Variants in ATG9A observed in about 807,000 individuals in gnomAD.
ATG9A encodes the protein autophagy related 9A.
ATG9A carries 21 observed loss-of-function variants against 87.1 expected under a neutral mutation model. The ratio of observed to expected loss-of-function variants is 0.24; its 90% CI spans 0.17 to 0.35. ATG9A has a LOEUF of 0.35. Among genes scored for constraint, ATG9A ranks in the 10% least tolerant of loss-of-function variants. ATG9A has a pLI of 1.00. For synonymous variants in ATG9A, 422 were observed against 441.3 expected, an observed-to-expected ratio of 0.96 and a Z score of 0.55; for missense variants, 836 against 1,107.3, an observed-to-expected ratio of 0.76 and a Z score of 3.48.
At position 219,222,001 on chromosome 2, in the gene ATG9A, G is replaced by T; in HGVS notation, c.2145+49C>A. On this transcript the variant is annotated intron_variant, in intron 13 of 15. Coordinates refer to ENST00000361242, the MANE Select transcript of ATG9A (RefSeq NM_001077198.3). This position sits in a 1 kb window ranked among gnomAD's most constrained non-coding sequence, Gnocchi z 4.3. ...GAGAAGGGTTTGGAACCCCGGTCTT[G>T]CTTCTCCGCATCTAAACCCTCTACT... 6.5e-7 allele frequency: 1 copy of T among 1,537,586 alleles called. No individual in the cohort carries two copies. Among genetic ancestry groups the T allele is most frequent in the Non-Finnish European group, 8.9e-7 (1 of 1,123,648 alleles).
rs1401365981 is a variant in ATG9A, at chr2:219,220,862, TGA to T, written c.2397_2398del (p.His800PhefsTer21). ...CCCTCCAAGAGGCAGCCGAGAGAAA[TGA>T]GAGGGAACCCTGGGCACTGTGCCAG... On this transcript the variant is annotated frameshift_variant, in exon 15 of 16. Coordinates refer to ENST00000361242, the MANE Select transcript of ATG9A (RefSeq NM_001077198.3). LOFTEE classifies it high-confidence loss of function. 6.2e-7 allele frequency: 1 copy of T among 1,610,984 alleles called. No individual in the cohort carries two copies. Among genetic ancestry groups the T allele is most frequent in the Admixed American group, 1.7e-5 (1 of 59,678 alleles).
At position 219,229,301 on chromosome 2, in the gene ATG9A, A is replaced by C. The variant is rs1950949598; in HGVS notation, c.-82+234T>G. The C allele has an allele frequency of 6.6e-6, 1 of 151,474 alleles. No individual in the cohort carries two copies. Among genetic ancestry groups the C allele is most frequent in the Non-Finnish European group, 1.5e-5 (1 of 67,756 alleles). The allele number at this position is 151,474 out of a possible 1,614,324, so 9.4% of individuals were successfully genotyped here. A position where few individuals can be genotyped will look rare whatever the true frequency, so the allele number is the denominator to read the frequency against. ...CCTCGCCCCAGGGTCGCCCGGCCCC[A>C]GGCCAAGGGCTGGCAGCTCCCAACA... On this transcript the variant is annotated intron_variant, in intron 1 of 15. Transcript: ENST00000361242. This position sits in a 1 kb window ranked among gnomAD's most constrained non-coding sequence, Gnocchi z 4.2.
At chr2:219,227,336 G>C (rs897503595) in intron 4 of ATG9A, among the ~76,000 whole-genome samples, 1 of 152,202 alleles carries the variant, frequency 6.6e-6, no homozygotes, top group African/African-American at 2.4e-5. Flanking sequence ...TTGCCACATG[G>C]TGAAACCCTG....
In ATG9A at chr2:219,222,142, C is replaced by T. The variant is rs750265419; in HGVS notation, c.2053G>A (p.Gly685Arg). Reference protein sequence around the residue: ...SGVDARTASSGSSVWEGQLQS... With the variant: ...SGVDARTASSRSSVWEGQLQS... ...AGCTGTCCTTCCCACACGCTGCTCCCGGAGCTGGCTGTCCTGGCATCCACC... is the reference window on the plus strand; with the variant it reads ...AGCTGTCCTTCCCACACGCTGCTCCTGGAGCTGGCTGTCCTGGCATCCACC... Residue 685 changes from glycine (G) to arginine (R), a missense_variant, in exon 13 of 16, where the codon GGG (glycine) becomes AGG (arginine). Gly to Arg is a moderately radical substitution (Grantham distance 125). This residue lies in a region of ATG9A where 324 missense variants were observed against 347.6 expected (regional missense o/e 0.93). Transcript: ENST00000361242. This position sits in a 1 kb window ranked among gnomAD's most constrained non-coding sequence, Gnocchi z 4.3. The T allele has an allele frequency of 2.1e-5, 34 of 1,613,818 alleles. No individual in the cohort carries two copies. Among genetic ancestry groups the T allele is most frequent in the Non-Finnish European group, 2.9e-5 (34 of 1,180,028 alleles).
chr2:219,221,338 C>T (rs573583740), intron 13 of ATG9A, 36 bp from the exon 14 acceptor site: 36 of 1,501,148 alleles, frequency 2.4e-5, no homozygotes, highest in African/African-American at 2.1e-4. Context: ...GGGGGACAGA[C>T]GGATGTCCAT....
At chr2:219,225,014 C>T in intron 7 of ATG9A, 57 bp downstream of exon 7, 1 of 1,605,180 alleles carries the variant, frequency 6.2e-7, no homozygotes, top group Non-Finnish European at 8.5e-7. Flanking sequence ...AGGAATACAC[C>T]CACACCTCCC....
Position 219,224,077 on chromosome 2 carries a change from G to A in ATG9A, c.1265+29C>T, listed in dbSNP as rs1198880754. 2 of 1,608,002 alleles carry A rather than the reference G, an allele frequency of 1.2e-6. No individual in the cohort carries two copies. Among genetic ancestry groups the A allele is most frequent in the Non-Finnish European group, 8.5e-7 (1 of 1,175,926 alleles). ...ATGCCTTTCCCAGGAATGCTAGCCG[G>A]CTTGCTCCCGCCTGTGGCCCTGGCC... On this transcript the variant is annotated intron_variant, in intron 8 of 15. Transcript: ENST00000361242. This position sits in a 1 kb window ranked among gnomAD's most constrained non-coding sequence, Gnocchi z 7.7.
Position 219,225,176 on chromosome 2 carries a change from G to A in ATG9A, c.411C>T (p.Val137=), listed in dbSNP as rs1318760736. Residue 137 remains valine, a synonymous_variant, in exon 7 of 16, where the codon GTC becomes GTT. Coordinates refer to ENST00000361242, the MANE Select transcript of ATG9A (RefSeq NM_001077198.3). ...GGTGGATCCAGAAGACACCAGCAAT[G>A]ACCAGGATGGTGATAAGGGAGCCAT... ...QENGSLITIL[V]IAGVFWIHRL... is the part of the protein sequence containing the mutation. 2.5e-6 allele frequency: 4 copies of A among 1,614,234 alleles called. No individual in the cohort carries two copies. Among genetic ancestry groups the A allele is most frequent in the Non-Finnish European group, 3.4e-6 (4 of 1,180,044 alleles).
Position 219,227,968 on chromosome 2 carries a change from G to A in ATG9A, c.57C>T (p.Pro19=). The part of the protein sequence containing the change: ...QRLEASYSDS[P]PGEEDLLVHV... ...GCACCAACAGGTCCTCCTCCCCTGG[G>A]GGTGAATCACTATAGGAGGCCTCTA... Residue 19 remains proline, a synonymous_variant, in exon 3 of 16, where the codon CCC becomes CCT. Transcript: ENST00000361242. The A allele has an allele frequency of 6.2e-7, 1 of 1,614,142 alleles. No homozygotes were observed. The highest frequency in any genetic ancestry group is 8.5e-7 in the Non-Finnish European group (1 of 1,180,012).
intron 15 of ATG9A, 131 bp from the exon 16 acceptor site, chr2:219,220,583 AG>A: frequency 2.0e-6 from 3 of 1,499,506 alleles, no homozygotes; most frequent in Non-Finnish European, 2.8e-6. Context: ...GGAAAAACCA[AG>A]CCCTGCAGAG....
chr2:219,228,061 TAAG>T lies in ATG9A; in HGVS notation c.-29-11_-29-9del, dbSNP rs1205918324. 3 of 1,572,456 alleles carry T rather than the reference TAAG, an allele frequency of 1.9e-6. No individual in the cohort carries two copies. Among genetic ancestry groups the T allele is most frequent in the Admixed American group, 3.4e-5 (2 of 58,124 alleles). On this transcript the variant is annotated splice_polypyrimidine_tract_variant and intron_variant, in intron 2 of 15. Coordinates refer to ENST00000361242, the MANE Select transcript of ATG9A (RefSeq NM_001077198.3). ...CCTGTCCACCTTGACCACCTGCCAA[TAAG>T]GAGGAAGAAGAGACCCTGATTCAGT...
chr2:219,221,528 A>G (rs1261779611), intron 13 of ATG9A, among the ~76,000 whole-genome samples: 2 of 152,132 alleles, frequency 1.3e-5, no homozygotes, highest in African/African-American at 4.8e-5. Flanking sequence ...CATTTTACCT[A>G]TTCATTTGAT....
At position 219,221,095 on chromosome 2, in the gene ATG9A, A is replaced by G. The variant is rs770839898; in HGVS notation, c.2353T>C (p.Tyr785His). ...CACTGGATACCTGTGATGCCACCGT[A>G]GCGCCTCTGGAAGCCCCCATGCAGG... ...TALHGGFQRRYGGITDPGTVP... is the reference protein window; with the variant it reads ...TALHGGFQRRHGGITDPGTVP... Residue 785 changes from tyrosine (Y) to histidine (H), a missense_variant, in exon 14 of 16, where the codon TAC becomes CAC. By Grantham distance (83) the Tyr-to-His change is moderately conservative. Around this residue, in one of 2 missense-constraint regions of ATG9A, gnomAD observed 324 missense variants for 347.6 expected, o/e 0.93. Coordinates refer to ENST00000361242, the MANE Select transcript of ATG9A (RefSeq NM_001077198.3). 1.9e-6 allele frequency: 3 copies of G among 1,612,866 alleles called. No homozygotes were observed. Among genetic ancestry groups the G allele is most frequent in the Non-Finnish European group, 2.5e-6 (3 of 1,179,600 alleles).
At chr2:219,226,838 C>T (rs762401399) in intron 5 of ATG9A, 31 bp downstream of exon 5, 5 of 1,582,960 alleles carry the variant, frequency 3.2e-6, no homozygotes, top group Admixed American at 3.3e-5. Context: ...TGTATTCTTT[C>T]ACCACATCAT....
rs532411625 is a variant in ATG9A at position 219,227,995 on chromosome 2, G to T, written c.30C>A (p.Arg10=). 6.2e-7 allele frequency: 1 copy of T among 1,614,092 alleles called. No individual in the cohort carries two copies. Among genetic ancestry groups the T allele is most frequent in the Admixed American group, 1.7e-5 (1 of 60,010 alleles). Residue 10 remains arginine, a synonymous_variant, in exon 3 of 16, where the codon CGC becomes CGA. Coordinates refer to ENST00000361242, the MANE Select transcript of ATG9A (RefSeq NM_001077198.3). ...GTGAATCACTATAGGAGGCCTCTAG[G>T]CGCTGGTATTCAGTGTCAAACTGCG... MAQFDTEYQ[R]LEASYSDSPP...
At position 219,224,575 on chromosome 2, in the gene ATG9A, C is replaced by T; in HGVS notation, c.796G>A (p.Glu266Lys). The stretch of plus-strand genomic sequence containing the variant: ...TTGTACTCGGCCTTGAGGCTCCATT[C>T]ATTGAGAAACAGAGAGCCAGGTCCC... ...FWGPGSLFLN[E>K]WSLKAEYKRG... Residue 266 changes from glutamate (E) to lysine (K), a missense_variant, in exon 8 of 16, where the codon GAA becomes AAA. Glu to Lys is a moderately conservative substitution (Grantham distance 56, BLOSUM62 1). Around this residue, in one of 2 missense-constraint regions of ATG9A, gnomAD observed 512 missense variants for 759.6 expected, o/e 0.67. Transcript: ENST00000361242. The surrounding 1 kb of genome is among the most constrained non-coding windows in gnomAD (Gnocchi z 7.7). The T allele has an allele frequency of 6.2e-7, 1 of 1,614,156 alleles. No individual in the cohort carries two copies. The highest frequency in any genetic ancestry group is 8.5e-7 in the Non-Finnish European group (1 of 1,180,042).
chr2:219,221,041 C>T (rs1950748436), intron 14 of ATG9A, 39 bp downstream of exon 14: 6 of 1,605,966 alleles, frequency 3.7e-6, no homozygotes, highest in Non-Finnish European at 5.1e-6. Context: ...ACCACCCTTC[C>T]CTGCAGCCTC....
In ATG9A at chr2:219,225,399, T is replaced by C; in HGVS notation, c.374+12A>G. On this transcript the variant is annotated intron_variant, in intron 6 of 15. Coordinates refer to ENST00000361242, the MANE Select transcript of ATG9A (RefSeq NM_001077198.3). The stretch of plus-strand genomic sequence containing the variant: ...TCAAGGCTATGGTGTCCTCTTGACT[T>C]GCAGCCCTTACCTGGCACTACAGAC... 6.2e-7 allele frequency: 1 copy of C among 1,613,374 alleles called. No individual in the cohort carries two copies.
Position 219,225,201 on chromosome 2 carries a change from T to C in ATG9A, c.386A>G (p.Asn129Ser), listed in dbSNP as rs767265739. ...AQVCSARIQE[N>S]GSLITILVIA... ...GACCAGGATGGTGATAAGGGAGCCA[T>C]TTTCCTGAATCCTGGTGGGGAAAAA... The change falls in exon 7 of 16, where the codon AAT (asparagine) becomes AGT (serine). Residue 129 changes from asparagine to serine, a missense_variant. Physicochemically the swap from Asn to Ser is conservative, Grantham distance 46. Around this residue, in one of 2 missense-constraint regions of ATG9A, gnomAD observed 512 missense variants for 759.6 expected, o/e 0.67. Coordinates refer to ENST00000361242, the MANE Select transcript of ATG9A (RefSeq NM_001077198.3). The C allele has an allele frequency of 6.2e-7, 1 of 1,613,910 alleles. No individual in the cohort carries two copies. The highest frequency in any genetic ancestry group is 1.7e-5 in the Admixed American group (1 of 59,990).
Sources: allele counts gnomAD v4.1 joint callset (sites outside exome capture counted in the v4.1 genomes callset), GRCh38; gene constraint gnomAD v4.1.1; regional missense constraint gnomAD v4.1.1; non-coding constraint Gnocchi (gnomAD v3.1); transcripts MANE v1.5; gene names NCBI Gene and HGNC (gene_info 2026-07-23, HGNC 2026-07-21).